Variants in GRID2 observed in about 807,000 individuals in gnomAD.
GRID2 encodes the protein glutamate receptor ionotropic, delta-2.
In GRID2, 33 loss-of-function variants were observed where a neutral mutation model predicts 114.8. The observed-to-expected ratio is 0.29, with a 90% CI of 0.22 to 0.38. The LOEUF (loss-of-function observed/expected upper bound fraction) is 0.38. Among genes scored for constraint, GRID2 ranks in the 10% least tolerant of loss-of-function variants. GRID2 has a pLI of 1.00. For synonymous variants in GRID2, 505 were observed against 449.9 expected, an observed-to-expected ratio of 1.12 and a Z score of -1.55; for missense variants, 1,184 against 1,257.7, an observed-to-expected ratio of 0.94 and a Z score of 0.89.
intron 12 of GRID2, among the ~76,000 whole-genome samples, chr4:93,500,224 A>G (rs1727962998): frequency 6.6e-6 from 1 of 152,024 alleles, no homozygotes; most frequent in Admixed American, 6.6e-5. Context: ...AATTATTATA[A>G]ACCATATTTT....
chr4:93,266,354 A>G (rs1208462789), intron 8 of GRID2, among the ~76,000 whole-genome samples: 2 of 152,164 alleles, frequency 1.3e-5, no homozygotes, highest in Admixed American at 6.6e-5. Context: ...GGAGAGAAAA[A>G]CAGCACTATA....
chr4:93,787,388 T>A (rs1734613474), intron 1 of GRID2, among the ~76,000 whole-genome samples: 1 of 151,892 alleles, frequency 6.6e-6, no homozygotes, highest in Non-Finnish European at 1.5e-5. Flanking sequence ...TGGGAGAAAA[T>A]CAACAGATTT....
intron 1 of GRID2, among the ~76,000 whole-genome samples, chr4:92,313,325 C>T (rs908711660): frequency 1.4e-4 from 21 of 151,766 alleles, no homozygotes; most frequent in African/African-American, 3.9e-4. Flanking sequence ...TGGGGACTTG[C>T]GAAGAAGGGT....
intron 2 of GRID2, among the ~76,000 whole-genome samples, chr4:92,803,353 A>G (rs1350028428): frequency 1.3e-5 from 2 of 152,100 alleles, no homozygotes; most frequent in African/African-American, 2.4e-5. Flanking sequence ...TTTTGTTTCA[A>G]TATCATGGAG....
At chr4:93,474,165 A>G (rs1234903563) in intron 11 of GRID2, among the ~76,000 whole-genome samples, 1 of 152,170 alleles carries the variant, frequency 6.6e-6, no homozygotes, top group African/African-American at 2.4e-5. Flanking sequence ...AAGTTTATAT[A>G]CTACTACTAA....
chr4:93,488,065 C>G (rs1428007679), intron 11 of GRID2, among the ~76,000 whole-genome samples: 1 of 151,870 alleles, frequency 6.6e-6, no homozygotes, highest in African/African-American at 2.4e-5. Context: ...CTAATCAAGG[C>G]TAAAACTTTA....
At chr4:92,352,784 C>A (rs1013419596) in intron 1 of GRID2, among the ~76,000 whole-genome samples, 1 of 132,600 alleles carries the variant, frequency 7.5e-6, no homozygotes, top group Non-Finnish European at 1.8e-5. Flanking sequence ...TGTTGAGTAG[C>A]AGGTGTTCTT....
chr4:93,662,215 C>T (rs140269171), intron 14 of GRID2, among the ~76,000 whole-genome samples: 2 of 152,196 alleles, frequency 1.3e-5, no homozygotes, highest in Admixed American at 6.5e-5. Context: ...TCACTGCGGC[C>T]GTCACTGACC....
chr4:92,716,030 A>T (rs1051251001), intron 2 of GRID2, among the ~76,000 whole-genome samples: 1 of 152,216 alleles, frequency 6.6e-6, no homozygotes, highest in African/African-American at 2.4e-5. Flanking sequence ...TGACTCCTTT[A>T]TAAAAATCTT....
At chr4:93,428,356 G>A (rs997533090) in intron 10 of GRID2, among the ~76,000 whole-genome samples, 4 of 151,982 alleles carry the variant, frequency 2.6e-5, no homozygotes, top group African/African-American at 9.7e-5. Context: ...ACTGACCCAT[G>A]GATATCTAAA....
intron 1 of GRID2, among the ~76,000 whole-genome samples, chr4:92,581,551 T>C (rs1028761921): frequency 6.6e-6 from 1 of 152,054 alleles, no homozygotes; most frequent in Non-Finnish European, 1.5e-5. Flanking sequence ...CGAAATGTGA[T>C]TTCACATGTT....
At chr4:93,763,868 G>A (rs1254643273) in intron 14 of GRID2, among the ~76,000 whole-genome samples, 1 of 152,060 alleles carries the variant, frequency 6.6e-6, no homozygotes, top group Non-Finnish European at 1.5e-5. Context: ...TTTTTCTTAG[G>A]TAACCAGTAA....
intron 8 of GRID2, among the ~76,000 whole-genome samples, chr4:93,294,303 A>G (rs1446292556): frequency 6.7e-6 from 1 of 150,256 alleles, no homozygotes; most frequent in Non-Finnish European, 1.5e-5. Context: ...ATATCAGGCT[A>G]GTCATTGAAG....
chr4:93,737,221 T>C (rs1014133807), intron 14 of GRID2, among the ~76,000 whole-genome samples: 5 of 152,036 alleles, frequency 3.3e-5, no homozygotes, highest in Non-Finnish European at 7.4e-5. Flanking sequence ...TCAAGTAAAA[T>C]GGGTATTTCA....
At chr4:92,492,958 G>A (rs1003872447) in intron 1 of GRID2, among the ~76,000 whole-genome samples, 5 of 151,550 alleles carry the variant, frequency 3.3e-5, no homozygotes, top group Admixed American at 1.3e-4. Context: ...GTGAAACCCC[G>A]TCTCTACTAA....
chr4:93,786,199 GC>G (rs1376759390), intron 1 of GRID2, among the ~76,000 whole-genome samples: 1 of 152,172 alleles, frequency 6.6e-6, no homozygotes, highest in Non-Finnish European at 1.5e-5. Flanking sequence ...AGATCCTCAG[GC>G]CCCGGGTGAG....
At chr4:92,540,533 C>T (rs1158139132) in intron 1 of GRID2, among the ~76,000 whole-genome samples, 2 of 152,148 alleles carry the variant, frequency 1.3e-5, no homozygotes, top group African/African-American at 4.8e-5. Context: ...CCAAAAGACA[C>T]ATGAAGAAAT....
chr4:93,716,091 G>A (rs1201854731), intron 14 of GRID2, among the ~76,000 whole-genome samples: 1 of 151,994 alleles, frequency 6.6e-6, no homozygotes, highest in East Asian at 1.9e-4. Flanking sequence ...TTATTTCCTA[G>A]ATATGTGCCC....
At chr4:93,472,626 A>G (rs746338580) in intron 11 of GRID2, among the ~76,000 whole-genome samples, 1 of 152,108 alleles carries the variant, frequency 6.6e-6, no homozygotes, top group Non-Finnish European at 1.5e-5. Flanking sequence ...TGAGGATCCC[A>G]TTTTTGCATA....
Sources: gnomAD v4.1 joint callset for allele counts (sites outside exome capture counted in the v4.1 genomes callset) on GRCh38, gnomAD v4.1.1 for gene constraint, MANE v1.5 for transcripts, NCBI Gene and HGNC (gene_info 2026-07-23, HGNC 2026-07-21) for gene names.